ABCA12: variants seen among roughly 807,000 people sequenced by gnomAD.
ABCA12 encodes ATP binding cassette subfamily A member 12.
A neutral mutation model predicts 293.5 loss-of-function variants in ABCA12; 156 were observed. The observed-to-expected ratio is 0.53, with a 90% CI of 0.47 to 0.61. ABCA12 has a LOEUF of 0.61. ABCA12 is among the 20% of genes least tolerant of loss of function. ABCA12 has a pLI of 0.00. For synonymous variants in ABCA12, 1,063 were observed against 1,108.0 expected (o/e 0.96, Z 0.81); for missense variants, 2,797 against 3,090.2 (o/e 0.91, Z 2.25).
At chr2:215,031,113 A>G (rs1204142318) in intron 9 of ABCA12, among the ~76,000 whole-genome samples, 1 of 152,196 alleles carries the variant, frequency 6.6e-6, no homozygotes, top group Admixed American at 6.5e-5. Flanking sequence ...GGATCTGCTT[A>G]CATTAATGGT....
intron 33 of ABCA12, among the ~76,000 whole-genome samples, chr2:214,977,880 C>CTTTTTTTTTTTTTTTTTCTTT (rs55902726): frequency 7.1e-6 from 1 of 140,252 alleles, no homozygotes. Flanking sequence ...CTTTTTTTTC[C>CTTTTTTTTTTTTTTTTTCTTT]TTTTTTTTTT....
chr2:215,043,597 A>AT (rs1701144644), intron 7 of ABCA12, among the ~76,000 whole-genome samples: 1 of 151,042 alleles, frequency 6.6e-6, no homozygotes, highest in Non-Finnish European at 1.5e-5. Context: ...GTTGTTGTTG[A>AT]TTTTTTAATC....
chr2:215,052,866 C>T (rs1347557140), intron 4 of ABCA12, among the ~76,000 whole-genome samples: 1 of 152,100 alleles, frequency 6.6e-6, no homozygotes. Flanking sequence ...AACTTCATCA[C>T]CAACATTATT....
At position 214,951,208 on chromosome 2, in the gene ABCA12, T is replaced by TGA. The variant is rs200972623; in HGVS notation, c.6648-126_6648-125insTC. 7,104 of 852,532 alleles carry TGA rather than the reference T, an allele frequency of 8.3e-3. 359 individuals carry two copies. In the African/African-American group the frequency reaches 0.11, roughly 13 times the overall value. The allele number at this position is 852,532 out of a possible 1,614,324, so 52.8% of individuals were successfully genotyped here. Reference sequence around the variant, plus strand: ...GTCATCATTAGACTTCTTTTACATTTGTAATGAATTATGCTACTCAGATAA... The same window carrying TGA: ...GTCATCATTAGACTTCTTTTACATTTGAGTAATGAATTATGCTACTCAGATAA... On this transcript the variant is annotated intron_variant, in intron 44 of 52. Coordinates refer to ENST00000272895, the MANE Select transcript of ABCA12 (RefSeq NM_173076.3).
At chr2:215,127,597 A>G (rs1349514615) in intron 1 of ABCA12, among the ~76,000 whole-genome samples, 1 of 152,084 alleles carries the variant, frequency 6.6e-6, no homozygotes, top group African/African-American at 2.4e-5. Context: ...GTTTTGTATG[A>G]TGCAAGAATA....
intron 18 of ABCA12, among the ~76,000 whole-genome samples, 159 bp downstream of exon 18, chr2:215,010,172 C>A (rs888390016): frequency 6.6e-6 from 1 of 151,520 alleles, no homozygotes; most frequent in Non-Finnish European, 1.5e-5. Context: ...ATATCCAGGG[C>A]AGAAGTTGAG....
chr2:215,087,494 G>GTGTGTGTGTGTGTGTGTGTGCA (rs1702065084), intron 2 of ABCA12, among the ~76,000 whole-genome samples: 1 of 151,522 alleles, frequency 6.6e-6, no homozygotes, highest in African/African-American at 2.4e-5. Flanking sequence ...CTTCGTGTGT[G>GTGTGTGTGTGTGTGTGTGTGCA]TGTGTGTGTG....
intron 44 of ABCA12, among the ~76,000 whole-genome samples, chr2:214,951,939 G>A (rs1246461103): frequency 6.6e-6 from 1 of 151,574 alleles, no homozygotes; most frequent in Non-Finnish European, 1.5e-5. Context: ...GAATACTATT[G>A]TTATTCTGTA....
At chr2:215,012,199 G>T (rs1421442749) in intron 15 of ABCA12, 64 bp from the exon 16 acceptor site, 6 of 1,511,048 alleles carry the variant, frequency 4.0e-6, no homozygotes, top group Non-Finnish European at 4.6e-6. Flanking sequence ...TGCATTGTTG[G>T]TAAGGTTGTA....
chr2:215,009,144 A>T (rs1437350689), intron 18 of ABCA12, among the ~76,000 whole-genome samples: 1 of 152,204 alleles, frequency 6.6e-6, no homozygotes, highest in Admixed American at 6.5e-5. Context: ...CCACACAACC[A>T]TAAAAAAGAA....
chr2:215,135,461 G>A (rs932279136), intron 1 of ABCA12, among the ~76,000 whole-genome samples: 1 of 152,136 alleles, frequency 6.6e-6, no homozygotes, highest in African/African-American at 2.4e-5. Flanking sequence ...AGGCAAAGTT[G>A]TCATGGTGGT....
chr2:214,981,542 T>G (rs1250122239), intron 30 of ABCA12, among the ~76,000 whole-genome samples: 1 of 152,152 alleles, frequency 6.6e-6, no homozygotes, highest in Non-Finnish European at 1.5e-5. Flanking sequence ...AAAAGGCCAG[T>G]TAAGTGCTCA....
Position 214,968,664 on chromosome 2 carries a change from A to G in ABCA12, c.5778+56T>C, listed in dbSNP as rs927973324. ...TTTCACTTCATGAAAATGATTAAAC[A>G]TATCAATTTCACCTTCTCATTTGTA... On this transcript the variant is annotated intron_variant, in intron 38 of 52. Coordinates refer to ENST00000272895, the MANE Select transcript of ABCA12 (RefSeq NM_173076.3). 3.1e-5 allele frequency: 47 copies of G among 1,516,972 alleles called. No homozygotes were observed. The East Asian group carries it at 1.0e-3, about 33-fold the overall frequency. The allele number at this position is 1,516,972 out of a possible 1,614,324, so 94.0% of individuals were successfully genotyped here.
intron 14 of ABCA12, 95 bp downstream of exon 14, chr2:215,017,913 A>G (rs761470891): frequency 2.6e-6 from 4 of 1,556,696 alleles, no homozygotes; most frequent in Non-Finnish European, 3.5e-6. Context: ...TTAGCATGCA[A>G]CTTCTCAGTG....
At chr2:214,954,787 T>A (rs1269521685) in intron 43 of ABCA12, among the ~76,000 whole-genome samples, 1 of 152,236 alleles carries the variant, frequency 6.6e-6, no homozygotes, top group Admixed American at 6.5e-5. Flanking sequence ...AATACATGAT[T>A]GAAAGGGGAT....
chr2:214,993,041 A>AT (rs1466324964), intron 23 of ABCA12, among the ~76,000 whole-genome samples: 3 of 152,168 alleles, frequency 2.0e-5, no homozygotes, highest in Non-Finnish European at 4.4e-5. Context: ...AAAATAGTGA[A>AT]TTTTACTTTC....
intron 2 of ABCA12, among the ~76,000 whole-genome samples, chr2:215,109,649 A>G (rs919934313): frequency 1.3e-5 from 2 of 152,182 alleles, no homozygotes; most frequent in Non-Finnish European, 2.9e-5. Context: ...GATTAGGCCT[A>G]AGAGGCACAT....
intron 1 of ABCA12, among the ~76,000 whole-genome samples, chr2:215,125,899 T>C (rs1361753510): frequency 1.3e-5 from 2 of 152,172 alleles, no homozygotes; most frequent in Non-Finnish European, 2.9e-5. Flanking sequence ...GCTTTCAACT[T>C]TTCCCCATTC....
intron 47 of ABCA12, chr2:214,947,812 T>C: frequency 2.1e-6 from 1 of 470,092 alleles, no homozygotes; most frequent in Non-Finnish European, 3.9e-6. Context: ...TGTGTGTGTG[T>C]TTACAATTGC....
Sources: allele counts gnomAD v4.1 joint callset (sites outside exome capture counted in the v4.1 genomes callset), GRCh38; gene constraint gnomAD v4.1.1; transcripts MANE v1.5; gene names NCBI Gene and HGNC (gene_info 2026-07-23, HGNC 2026-07-21).